SAMSN1: variants seen among roughly 807,000 people sequenced by gnomAD.
SAMSN1 encodes SAM domain, SH3 domain and nuclear localization signals 1, also known as SAM domain-containing protein SAMSN-1.
In SAMSN1, 31 loss-of-function variants were observed where a neutral mutation model predicts 42.0. The ratio of observed to expected loss-of-function variants is 0.74; its 90% CI spans 0.55 to 1.00. SAMSN1 has a LOEUF of 1.00. Ranked by LOEUF, SAMSN1 falls within the 50% of genes least tolerant of loss-of-function variation. The pLI is 0.00. For synonymous variants in SAMSN1, 178 were observed against 151.9 expected, an observed-to-expected ratio of 1.17 and a Z score of -1.26; for missense variants, 464 against 439.4, an observed-to-expected ratio of 1.06 and a Z score of -0.50.
intron 2 of SAMSN1, among the ~76,000 whole-genome samples, chr21:14,641,732 G>C (rs1468084648): frequency 3.3e-5 from 5 of 152,134 alleles, no homozygotes; most frequent in Non-Finnish European, 7.4e-5. Context: ...ATCTGTAGTA[G>C]ACATAGGCTG....
intron 1 of SAMSN1, among the ~76,000 whole-genome samples, chr21:14,540,243 A>G (rs1456426191): frequency 6.6e-6 from 1 of 152,228 alleles, no homozygotes; most frequent in African/African-American, 2.4e-5. Flanking sequence ...CAAGGACTTC[A>G]TGTCTAAAAC....
chr21:14,624,635 A>G (rs564531909), intron 2 of SAMSN1, among the ~76,000 whole-genome samples: 164 of 152,334 alleles, frequency 1.1e-3, no homozygotes, highest in African/African-American at 3.8e-3. Flanking sequence ...GCCATAATTA[A>G]TAGCCTACCA....
At chr21:14,512,737 C>T (rs948132001) in intron 3 of SAMSN1, among the ~76,000 whole-genome samples, 164 bp from the exon 4 acceptor site, 2 of 152,176 alleles carry the variant, frequency 1.3e-5, no homozygotes, top group Admixed American at 1.3e-4. Context: ...TCTAGCAAAA[C>T]CTTTCACAAT....
At chr21:14,611,456 C>G (rs897915912) in intron 4 of SAMSN1, among the ~76,000 whole-genome samples, 1 of 152,166 alleles carries the variant, frequency 6.6e-6, no homozygotes, top group African/African-American at 2.4e-5. Context: ...TGAAGACAAA[C>G]TCAGCATGCT....
At chr21:14,502,615 A>G (rs928808511) in intron 5 of SAMSN1, among the ~76,000 whole-genome samples, 2 of 152,156 alleles carry the variant, frequency 1.3e-5, no homozygotes, top group African/African-American at 4.8e-5. Context: ...TTGGCACGGT[A>G]TTGTACGGAA....
At chr21:14,581,847 C>T (rs1981742351) in intron 2 of SAMSN1, among the ~76,000 whole-genome samples, 2 of 152,078 alleles carry the variant, frequency 1.3e-5, no homozygotes, top group African/African-American at 4.8e-5. Context: ...TTAGACAGTT[C>T]ACTTCACATT....
Position 14,500,541 on chromosome 21 carries a change from CCTCT to C in SAMSN1, c.752_755del (p.Glu251GlyfsTer19), listed in dbSNP as rs751657497. ...CAGATTTGCTCACCTGCAGATGAAT[CCTCT>C]CTAGGAACTCCTGCAGAGTCTTGGA... On this transcript the variant is annotated frameshift_variant, in exon 6 of 8. Transcript: ENST00000400566. LOFTEE classifies it high-confidence loss of function. 6.2e-7 allele frequency: 1 copy of C among 1,613,994 alleles called. No individual in the cohort carries two copies.
chr21:14,625,919 A>G (rs899689118), intron 2 of SAMSN1, among the ~76,000 whole-genome samples: 1 of 152,250 alleles, frequency 6.6e-6, no homozygotes, highest in Non-Finnish European at 1.5e-5. Context: ...TGGTACTGGT[A>G]CTAAAACAGA....
intron 2 of SAMSN1, among the ~76,000 whole-genome samples, chr21:14,577,622 T>C (rs1452294840): frequency 2.0e-5 from 3 of 152,116 alleles, no homozygotes; most frequent in Admixed American, 1.3e-4. Context: ...GCCATGCTCT[T>C]AGCTTACAGA....
At chr21:14,575,224 T>C (rs1160394211) in intron 2 of SAMSN1, among the ~76,000 whole-genome samples, 1 of 152,210 alleles carries the variant, frequency 6.6e-6, no homozygotes, top group African/African-American at 2.4e-5. Context: ...GGGTAAATGC[T>C]GATTCTCCTA....
At chr21:14,523,652 G>T (rs1978643104) in intron 1 of SAMSN1, among the ~76,000 whole-genome samples, 1 of 152,084 alleles carries the variant, frequency 6.6e-6, no homozygotes, top group Admixed American at 6.5e-5. Flanking sequence ...CCATTCTATG[G>T]CTGATTGGAG....
At position 14,491,825 on chromosome 21, in the gene SAMSN1, T is replaced by C. The variant is rs77542336; in HGVS notation, c.920-5711A>G. Among the ~76,000 whole-genome samples, 463 of 152,346 alleles carry C rather than the reference T, an allele frequency of 3.0e-3. 1 individual carries two copies. The highest frequency in any genetic ancestry group is 0.011 in the African/African-American group (441 of 41,578). On this transcript the variant is annotated intron_variant, in intron 7 of 7. Coordinates refer to ENST00000400566, the MANE Select transcript of SAMSN1 (RefSeq NM_022136.5). ...GCCTAAGAGGGTAGAGATAAAATTT[T>C]GCCTTCCCTATATAGATATGATAAA...
Position 14,572,564 on chromosome 21 carries a change from T to C in SAMSN1, c.261+9572A>G, listed in dbSNP as rs1045873382. ...CTGCCATCATGTGCTGTTTGGGATCTCAGGTAATTCACTTAATCTTCATGC... is the reference window on the plus strand; with the variant it reads ...CTGCCATCATGTGCTGTTTGGGATCCCAGGTAATTCACTTAATCTTCATGC... On this transcript the variant is annotated intron_variant, in intron 2 of 8. Transcript: ENST00000285670. Among the ~76,000 whole-genome samples, 7 of 152,222 alleles carry C rather than the reference T, an allele frequency of 4.6e-5. 1 individual carries two copies. The highest frequency in any genetic ancestry group is 2.6e-4 in the Admixed American group (4 of 15,264).
Position 14,521,142 on chromosome 21 carries a change from C to T in SAMSN1, c.129+8G>A, listed in dbSNP as rs1978441063. ...ATAACATTCATAAAAATGGAATAAA[C>T]TACGAACCTCAGTTGAATCATCTGG... On this transcript the variant is annotated splice_region_variant and intron_variant, in intron 2 of 7. Coordinates refer to ENST00000400566, the MANE Select transcript of SAMSN1 (RefSeq NM_022136.5). 6.4e-7 allele frequency: 1 copy of T among 1,573,758 alleles called. No homozygotes were observed. The highest frequency in any genetic ancestry group is 1.4e-5 in the African/African-American group (1 of 73,882).
chr21:14,516,683 A>C (rs1386439511), intron 3 of SAMSN1, among the ~76,000 whole-genome samples: 10 of 152,074 alleles, frequency 6.6e-5, no homozygotes, highest in Admixed American at 5.9e-4. Context: ...GAGCCACTGC[A>C]CCCAGCAGAT....
rs180733255 is a variant in SAMSN1, at chr21:14,489,058, T to G, written c.920-2944A>C. Reference sequence around the variant, plus strand: ...ACCTAGGTCTTGTGTTATGGGTGTTTCTTTCCTGCAGAGGAGATGAATTCA... The same window carrying G: ...ACCTAGGTCTTGTGTTATGGGTGTTGCTTTCCTGCAGAGGAGATGAATTCA... On this transcript the variant is annotated intron_variant, in intron 7 of 7. Transcript: ENST00000400566. 6.6e-4 allele frequency among the ~76,000 whole-genome samples: 100 copies of G among 152,338 alleles called. 1 individual carries two copies. The highest frequency in any genetic ancestry group is 3.3e-3 in the Admixed American group (50 of 15,298).
At chr21:14,622,951 G>A (rs1348286406) in intron 2 of SAMSN1, among the ~76,000 whole-genome samples, 1 of 152,234 alleles carries the variant, frequency 6.6e-6, no homozygotes, top group African/African-American at 2.4e-5. Flanking sequence ...CCAGAAGAGA[G>A]TGGGGGCCAA....
chr21:14,618,118 A>C (rs540033833), intron 2 of SAMSN1, among the ~76,000 whole-genome samples: 1 of 152,332 alleles, frequency 6.6e-6, no homozygotes, highest in South Asian at 2.1e-4. Flanking sequence ...GGGACTATCC[A>C]CTTTGTTCTG....
intron 7 of SAMSN1, among the ~76,000 whole-genome samples, chr21:14,489,545 T>A (rs895396315): frequency 2.0e-5 from 3 of 152,166 alleles, no homozygotes; most frequent in Admixed American, 2.0e-4. Flanking sequence ...TTAAAGGACA[T>A]ACGTATCTAA....
Sources: allele counts gnomAD v4.1 joint callset (sites outside exome capture counted in the v4.1 genomes callset), GRCh38; gene constraint gnomAD v4.1.1; transcripts MANE v1.5; gene names NCBI Gene and HGNC (gene_info 2026-07-23, HGNC 2026-07-21).